The following NAV3 variants were observed in gnomAD, a reference collection of about 807,000 sequenced individuals.
The protein encoded by NAV3 is pore membrane and/or filament interacting like protein 1.
In NAV3, 87 loss-of-function variants were observed where a neutral mutation model predicts 244.7. The ratio of observed to expected loss-of-function variants is 0.36; its 90% CI spans 0.30 to 0.42. The LOEUF is 0.42. Ranked by LOEUF, NAV3 falls within the 20% of genes least tolerant of loss-of-function variation. NAV3 has a pLI of 1.00. For synonymous variants in NAV3, 1,126 were observed against 1,042.2 expected (o/e 1.08, Z -1.55); for missense variants, 2,663 against 2,893.3 (o/e 0.92, Z 1.83).
In NAV3 at chr12:77,952,246, T is replaced by A. The variant is rs1406516811; in HGVS notation, c.414+11113T>A. Among the ~76,000 whole-genome samples the A allele has an allele frequency of 2.0e-5, 3 of 152,294 alleles. No individual in the cohort carries two copies. In the East Asian group the frequency reaches 5.8e-4, roughly 29 times the overall value. ...TTTAATTTTTATGAAGTCCAGCTTA[T>A]CAATTATTTATTTTATACATCATGT... is the stretch of plus-strand genomic sequence containing the variant. On this transcript the variant is annotated intron_variant, in intron 3 of 39. Coordinates refer to ENST00000397909, the MANE Select transcript of NAV3 (RefSeq NM_001024383.2).
intron 2 of NAV3, among the ~76,000 whole-genome samples, chr12:77,659,632 A>G (rs1276554905): frequency 6.6e-6 from 1 of 152,172 alleles, no homozygotes; most frequent in Non-Finnish European, 1.5e-5. Flanking sequence ...AGGACTATAA[A>G]TCATACTGCT....
intron 8 of NAV3, among the ~76,000 whole-genome samples, chr12:78,013,938 A>T (rs1382634): frequency 0.46 from 69,885 of 151,566 alleles, 16,889 homozygotes; most frequent in Non-Finnish European, 0.53. Context: ...TGAGCTATAT[A>T]ATTTGAACCT....
intron 9 of NAV3, among the ~76,000 whole-genome samples, chr12:78,024,325 G>A (rs895012246): frequency 2.6e-5 from 4 of 152,024 alleles, no homozygotes; most frequent in South Asian, 4.1e-4. Flanking sequence ...AAAACACACC[G>A]CATGTCAATG....
rs901322098 is a variant in NAV3, at chr12:77,724,537, C to G, written c.72+152271C>G. On this transcript the variant is annotated intron_variant, in intron 2 of 8. Transcript: ENST00000550042. Reference sequence around the variant, plus strand: ...TCCTTCCTTTCAGTGCTAGAGTATTCAGCAATATACTGTGTTTGCCACCAG... The same window carrying G: ...TCCTTCCTTTCAGTGCTAGAGTATTGAGCAATATACTGTGTTTGCCACCAG... 2.0e-5 allele frequency among the ~76,000 whole-genome samples: 3 copies of G among 151,660 alleles called. No homozygotes were observed. The East Asian group carries it at 5.8e-4, about 29-fold the overall frequency.
intron 1 of NAV3, among the ~76,000 whole-genome samples, chr12:77,885,890 A>G (rs573502578): frequency 6.6e-6 from 1 of 152,284 alleles, no homozygotes; most frequent in South Asian, 2.1e-4. Flanking sequence ...AATCTTTCTA[A>G]TAAGAATAAT....
intron 3 of NAV3, among the ~76,000 whole-genome samples, chr12:77,948,795 T>A (rs1890606030): frequency 6.6e-6 from 1 of 151,574 alleles, no homozygotes; most frequent in South Asian, 2.1e-4. Flanking sequence ...ATTAAGATAT[T>A]TGGCCATTTT....
At chr12:77,655,991 T>C (rs7297340) in intron 2 of NAV3, among the ~76,000 whole-genome samples, 7,052 of 122,504 alleles carry the variant, frequency 0.058, 376 homozygotes, top group African/African-American at 0.13. Context: ...CAGTACCAGC[T>C]GCTGCAAAAT....
chr12:77,899,968 T>C (rs1885074092), intron 1 of NAV3, among the ~76,000 whole-genome samples: 1 of 152,152 alleles, frequency 6.6e-6, no homozygotes, highest in Non-Finnish European at 1.5e-5. Flanking sequence ...GGGGCACCAA[T>C]GATCCTGTCC....
chr12:77,962,785 C>T (rs149810038), intron 3 of NAV3, among the ~76,000 whole-genome samples: 113 of 152,210 alleles, frequency 7.4e-4, no homozygotes, highest in African/African-American at 2.6e-3. Context: ...AAACAGAAGA[C>T]AGTACAGTGC....
chr12:77,717,595 A>G (rs1459322523), intron 2 of NAV3, among the ~76,000 whole-genome samples: 2 of 152,108 alleles, frequency 1.3e-5, no homozygotes, highest in Non-Finnish European at 2.9e-5. Flanking sequence ...AATATTCATA[A>G]TTATTTTGAA....
intron 5 of NAV3, among the ~76,000 whole-genome samples, chr12:77,988,675 A>G (rs1193900584): frequency 6.6e-6 from 1 of 152,150 alleles, no homozygotes; most frequent in Non-Finnish European, 1.5e-5. Flanking sequence ...GAGCCTGATC[A>G]TACAGGATTT....
intron 12 of NAV3, among the ~76,000 whole-genome samples, chr12:78,106,837 C>T (rs563529354): frequency 1.2e-4 from 18 of 152,324 alleles, no homozygotes; most frequent in African/African-American, 3.8e-4. Context: ...TCTGCCACCA[C>T]TAGGGCCTGA....
chr12:77,732,360 T>C (rs1409279855), intron 2 of NAV3, among the ~76,000 whole-genome samples: 2 of 151,976 alleles, frequency 1.3e-5, no homozygotes, highest in Non-Finnish European at 1.5e-5. Context: ...GGAAAATTCC[T>C]ATACAGAGGG....
chr12:78,159,427 A>G, intron 23 of NAV3, 141 bp downstream of exon 23: 1 of 696,634 alleles, frequency 1.4e-6, no homozygotes, highest in Non-Finnish European at 2.3e-6. Context: ...ACTTTGGGAG[A>G]CCAAGGTGGG....
At chr12:77,632,721 C>G (rs760854810) in intron 2 of NAV3, among the ~76,000 whole-genome samples, 1 of 152,162 alleles carries the variant, frequency 6.6e-6, no homozygotes, top group African/African-American at 2.4e-5. Context: ...GTCTCTTATA[C>G]TACTATAATA....
In NAV3 at chr12:78,118,242, C is replaced by T. The variant is rs769840775; in HGVS notation, c.2985C>T (p.Ala995=). Residue 995 remains alanine, a synonymous_variant, in exon 14 of 40, where the codon GCC becomes GCT. Coordinates refer to ENST00000397909, the MANE Select transcript of NAV3 (RefSeq NM_001024383.2). ...QTGSWRRGMS[A]QGGAPSRQKA... ...GTTCCTGGAGAAGAGGCATGTCTGC[C>T]CAAGGAGGGGCGCCATCTAGGCAGA... The T allele has an allele frequency of 1.9e-6, 3 of 1,612,788 alleles. No homozygotes were observed. The highest frequency in any genetic ancestry group is 2.5e-6 in the Non-Finnish European group (3 of 1,179,232).
At chr12:78,159,897 A>T (rs563914362) in intron 23 of NAV3, among the ~76,000 whole-genome samples, 1 of 152,210 alleles carries the variant, frequency 6.6e-6, no homozygotes, top group African/African-American at 2.4e-5. Context: ...CTGGGGGCAA[A>T]CTGTTATGCA....
intron 2 of NAV3, among the ~76,000 whole-genome samples, chr12:77,581,849 G>A (rs1869379114): frequency 6.6e-6 from 1 of 152,154 alleles, no homozygotes; most frequent in Admixed American, 6.5e-5. Context: ...CTTATGCTCT[G>A]TGGTAGGTAA....
chr12:78,160,400 C>CGTGT (rs1280738927), intron 23 of NAV3, among the ~76,000 whole-genome samples: 2 of 139,126 alleles, frequency 1.4e-5, no homozygotes, highest in Admixed American at 7.3e-5. Context: ...TGTGTGTGTG[C>CGTGT]GTGCGTGTGT....
Sources: gnomAD v4.1 joint callset for allele counts (sites outside exome capture counted in the v4.1 genomes callset) on GRCh38, gnomAD v4.1.1 for gene constraint, MANE v1.5 for transcripts, NCBI Gene and HGNC (gene_info 2026-07-23, HGNC 2026-07-21) for gene names.